Variants in FAM216A observed in about 807,000 individuals in gnomAD.
FAM216A encodes protein FAM216A.
In FAM216A, 26 loss-of-function variants were observed where a neutral mutation model predicts 37.6. That is an observed-to-expected ratio of 0.69 (90% confidence interval 0.51 to 0.96). The LOEUF (loss-of-function observed/expected upper bound fraction) is 0.96. Ranked by LOEUF, FAM216A falls within the 40% of genes least tolerant of loss-of-function variation. The pLI, the probability that FAM216A is intolerant of heterozygous loss-of-function variation, is 0.00. For synonymous variants in FAM216A, 110 were observed against 121.7 expected, an observed-to-expected ratio of 0.90 and a Z score of 0.64; for missense variants, 326 against 339.3, an observed-to-expected ratio of 0.96 and a Z score of 0.31.
At chr12:110,474,691 CAAAAAAA>C (rs34479591) in intron 2 of FAM216A, among the ~76,000 whole-genome samples, 4 of 44,854 alleles carry the variant, frequency 8.9e-5, no homozygotes, top group Admixed American at 3.1e-4. Flanking sequence ...GACTCTGTCT[CAAAAAAA>C]AAAAAAAAAA....
At chr12:110,487,049 G>C in intron 5 of FAM216A, 1 of 222,058 alleles carries the variant, frequency 4.5e-6, no homozygotes, top group Admixed American at 5.3e-5. Context: ...CTCTTTTGAA[G>C]GGTAGCTAAG....
At chr12:110,469,733 C>T (rs867303348) in intron 1 of FAM216A, among the ~76,000 whole-genome samples, 33 of 152,110 alleles carry the variant, frequency 2.2e-4, no homozygotes, top group Middle Eastern at 3.4e-3. Context: ...TTGTGTCGAA[C>T]CCCTGACCTC....
chr12:110,486,127 C>T (rs560678308), intron 3 of FAM216A, among the ~76,000 whole-genome samples, 198 bp from the exon 4 acceptor site: 2 of 152,282 alleles, frequency 1.3e-5, no homozygotes, highest in African/African-American at 2.4e-5. Flanking sequence ...CTGAATCACC[C>T]GAGTGGAATG....
In FAM216A at chr12:110,486,714, AAGGGTCTGTTTCTT is replaced by A. The variant is rs761724879; in HGVS notation, c.620_620+13del. ...CTTTGGCGGCCAGTGAGAAACAAAG[AAGGGTCTGTTTCTT>A]AGTGTAAAAGGGGGGAAATGCATCT... is the stretch of plus-strand genomic sequence containing the variant. On this transcript the variant is annotated splice_donor_variant and splice_donor_5th_base_variant and coding_sequence_variant and intron_variant, in exon 5 of 7. Coordinates refer to ENST00000377673, the MANE Select transcript of FAM216A (RefSeq NM_013300.3). LOFTEE classifies it high-confidence loss of function. 1.2e-6 allele frequency: 2 copies of A among 1,612,498 alleles called. No individual in the cohort carries two copies. Among genetic ancestry groups the A allele is most frequent in the Admixed American group, 3.4e-5 (2 of 59,612 alleles).
chr12:110,484,426 C>CAAA (rs61648841), intron 2 of FAM216A, among the ~76,000 whole-genome samples: 10 of 51,276 alleles, frequency 2.0e-4, no homozygotes, highest in Admixed American at 3.6e-4. Flanking sequence ...GACTCCGTCT[C>CAAA]AAAAAAAAAA....
intron 2 of FAM216A, among the ~76,000 whole-genome samples, chr12:110,483,841 A>G (rs1452533164): frequency 6.6e-6 from 1 of 152,150 alleles, no homozygotes; most frequent in African/African-American, 2.4e-5. Flanking sequence ...TCAACAACAA[A>G]AAATGAAATA....
intron 2 of FAM216A, among the ~76,000 whole-genome samples, chr12:110,481,993 T>G (rs1003287210): frequency 1.3e-5 from 2 of 152,096 alleles, no homozygotes; most frequent in Non-Finnish European, 2.9e-5. Flanking sequence ...CTTGAAGAAA[T>G]AACTAAATTT....
chr12:110,480,138 G>T (rs1335282909), intron 2 of FAM216A, among the ~76,000 whole-genome samples: 1 of 148,014 alleles, frequency 6.8e-6, no homozygotes, highest in Admixed American at 6.8e-5. Context: ...CGATTCTCCT[G>T]CCTCAGCCTC....
Position 110,473,118 on chromosome 12 carries a change from G to A in FAM216A, c.184G>A (p.Asp62Asn). ...TTGTTACCAGAATTCCAAAGGTTCT[G>A]GTGAGTAGTGCATATAAAGCAGATA... ...YSCYQNSKGS[D>N]RIKDGYKVNS... The change falls in exon 2 of 7, where the codon GAT becomes AAT. Residue 62 changes from aspartate to asparagine, a missense_variant and splice_region_variant. By Grantham distance (23) the Asp-to-Asn change is conservative (BLOSUM62 1). Coordinates refer to ENST00000377673, the MANE Select transcript of FAM216A (RefSeq NM_013300.3). The A allele has an allele frequency of 7.7e-6, 12 of 1,552,526 alleles. No homozygotes were observed. The highest frequency in any genetic ancestry group is 1.4e-5 in the African/African-American group (1 of 73,506).
intron 2 of FAM216A, among the ~76,000 whole-genome samples, chr12:110,474,126 A>G (rs186423068): frequency 9.2e-5 from 14 of 152,284 alleles, no homozygotes; most frequent in Admixed American, 9.2e-4. Context: ...ATAAATAAAT[A>G]ATATGGTCAT....
At chr12:110,474,204 G>A (rs1179101240) in intron 2 of FAM216A, among the ~76,000 whole-genome samples, 1 of 151,844 alleles carries the variant, frequency 6.6e-6, no homozygotes, top group Admixed American at 6.6e-5. Context: ...CTGAATTATA[G>A]TTCAGTGTAA....
In FAM216A at chr12:110,487,944, G is replaced by T. The variant is rs761452601; in HGVS notation, c.703+1G>T. ...CCAAGGAAACTGTTCATGCAAACAGGTAAATGTGGAAATTTAACAATATTC... is the reference window on the plus strand; with the variant it reads ...CCAAGGAAACTGTTCATGCAAACAGTTAAATGTGGAAATTTAACAATATTC... On this transcript the variant is annotated splice_donor_variant, in intron 6 of 6. Coordinates refer to ENST00000377673, the MANE Select transcript of FAM216A (RefSeq NM_013300.3). LOFTEE classifies it high-confidence loss of function. The T allele has an allele frequency of 1.9e-6, 3 of 1,568,286 alleles. No homozygotes were observed. Among genetic ancestry groups the T allele is most frequent in the African/African-American group, 1.4e-5 (1 of 73,428 alleles).
chr12:110,486,091 A>G (rs1278923935), intron 3 of FAM216A, among the ~76,000 whole-genome samples: 1 of 152,240 alleles, frequency 6.6e-6, no homozygotes, highest in Non-Finnish European at 1.5e-5. Context: ...ATCTAGAGCA[A>G]TGGGTTCTCC....
rs372030590 is a variant in FAM216A, at chr12:110,487,946, A to C, written c.703+3A>C. On this transcript the variant is annotated splice_donor_region_variant and intron_variant, in intron 6 of 6. Coordinates refer to ENST00000377673, the MANE Select transcript of FAM216A (RefSeq NM_013300.3). ...AAGGAAACTGTTCATGCAAACAGGT[A>C]AATGTGGAAATTTAACAATATTCAT... 6 of 1,545,346 alleles carry C rather than the reference A, an allele frequency of 3.9e-6. No homozygotes were observed. The highest frequency in any genetic ancestry group is 1.8e-6 in the Non-Finnish European group (2 of 1,125,226).
chr12:110,469,994 C>CTCCTCT (rs1476557870), intron 1 of FAM216A, among the ~76,000 whole-genome samples: 1 of 152,096 alleles, frequency 6.6e-6, no homozygotes, highest in African/African-American at 2.4e-5. Flanking sequence ...GAGACTCTAC[C>CTCCTCT]TCCTCTTCCT....
chr12:110,476,456 C>T (rs2062715336), intron 2 of FAM216A, among the ~76,000 whole-genome samples: 1 of 152,156 alleles, frequency 6.6e-6, no homozygotes, highest in Non-Finnish European at 1.5e-5. Context: ...GATCTACCCG[C>T]CTCGGCCTCC....
chr12:110,486,810 G>T (rs1273545159), intron 5 of FAM216A, 93 bp downstream of exon 5: 1 of 1,134,036 alleles, frequency 8.8e-7, no homozygotes, highest in Non-Finnish European at 1.3e-6. Flanking sequence ...AGGCTGGAGT[G>T]TAGTGGTGTG....
At chr12:110,471,973 T>C (rs148167533) in intron 1 of FAM216A, among the ~76,000 whole-genome samples, 8,874 of 152,270 alleles carry the variant, frequency 0.058, 336 homozygotes, top group Middle Eastern at 0.099. Flanking sequence ...GGCTCACACC[T>C]GTAATCCCAG....
chr12:110,476,450 T>C (rs1490058870), intron 2 of FAM216A, among the ~76,000 whole-genome samples: 1 of 151,972 alleles, frequency 6.6e-6, no homozygotes, highest in Non-Finnish European at 1.5e-5. Flanking sequence ...CCTCGTGATC[T>C]ACCCGCCTCG....
Sources: gnomAD v4.1 joint callset for allele counts (sites outside exome capture counted in the v4.1 genomes callset) on GRCh38, gnomAD v4.1.1 for gene constraint, MANE v1.5 for transcripts, NCBI Gene and HGNC (gene_info 2026-07-23, HGNC 2026-07-21) for gene names.